The following ARFGEF3 variants were observed in gnomAD, a reference collection of about 807,000 sequenced individuals.
ARFGEF3 encodes the protein ARFGEF family member 3, also known as brefeldin A-inhibited guanine nucleotide-exchange protein 3.
In ARFGEF3, 96 loss-of-function variants were observed where a neutral mutation model predicts 221.7. The observed-to-expected ratio is 0.43, with a 90% CI of 0.37 to 0.51. The LOEUF (loss-of-function observed/expected upper bound fraction) is 0.51, where lower values mean the gene tolerates loss of function less well. ARFGEF3 is among the 20% of genes least tolerant of loss of function. ARFGEF3 has a pLI of 0.00. For missense variants in ARFGEF3, 2,410 were observed against 2,789.9 expected, an observed-to-expected ratio of 0.86 and a Z score of 3.07; for synonymous variants, 1,145 against 1,126.8, an observed-to-expected ratio of 1.02 and a Z score of -0.32.
At chr6:138,201,183 G>T (rs1170564930) in intron 2 of ARFGEF3, among the ~76,000 whole-genome samples, 1 of 152,146 alleles carries the variant, frequency 6.6e-6, no homozygotes, top group Non-Finnish European at 1.5e-5. Context: ...TGTTTTTTGT[G>T]GATGTGGTTA....
intron 8 of ARFGEF3, among the ~76,000 whole-genome samples, chr6:138,251,900 T>A (rs1011697860): frequency 6.6e-6 from 1 of 152,118 alleles, no homozygotes; most frequent in Non-Finnish European, 1.5e-5. Flanking sequence ...GTCTGTCCAG[T>A]CCCGTAAGAG....
At chr6:138,165,186 CT>C (rs1359200371) in intron 1 of ARFGEF3, among the ~76,000 whole-genome samples, 2 of 150,788 alleles carry the variant, frequency 1.3e-5, no homozygotes, top group East Asian at 4.0e-4. Flanking sequence ...GGGCATCCCC[CT>C]CTGAGACCAT....
chr6:138,281,520 G>A (rs1470467515), intron 14 of ARFGEF3, among the ~76,000 whole-genome samples: 9 of 152,172 alleles, frequency 5.9e-5, no homozygotes, highest in African/African-American at 1.9e-4. Context: ...GGACGTCCAT[G>A]AGTACCCAGT....
chr6:138,268,840 A>G (rs1444444769), intron 12 of ARFGEF3, among the ~76,000 whole-genome samples: 2 of 152,230 alleles, frequency 1.3e-5, no homozygotes, highest in African/African-American at 4.8e-5. Context: ...GCAATATTTT[A>G]TAAAGTACCA....
At chr6:138,204,076 C>T (rs1192289674) in intron 2 of ARFGEF3, among the ~76,000 whole-genome samples, 3 of 152,038 alleles carry the variant, frequency 2.0e-5, no homozygotes, top group South Asian at 2.1e-4. Flanking sequence ...CGGTGGCTCA[C>T]GCCTATAATC....
At chr6:138,166,012 A>G (rs920808900) in intron 1 of ARFGEF3, among the ~76,000 whole-genome samples, 12 of 152,244 alleles carry the variant, frequency 7.9e-5, no homozygotes, top group Non-Finnish European at 1.6e-4. Flanking sequence ...ACTGAAATCC[A>G]GAGCTGGGGA....
intron 1 of ARFGEF3, among the ~76,000 whole-genome samples, chr6:138,163,096 CTG>C (rs760118515): frequency 2.0e-5 from 3 of 151,088 alleles, no homozygotes; most frequent in Non-Finnish European, 4.4e-5. Flanking sequence ...TGTCATGACA[CTG>C]TGTGTGCTTT....
At chr6:138,268,381 C>T (rs189601158) in intron 12 of ARFGEF3, among the ~76,000 whole-genome samples, 2 of 152,290 alleles carry the variant, frequency 1.3e-5, no homozygotes, top group Admixed American at 1.3e-4. Context: ...TCCATCAAGC[C>T]TTCATCCCTA....
At chr6:138,262,187 CTT>C (rs11393341) in intron 11 of ARFGEF3, among the ~76,000 whole-genome samples, 10 of 127,890 alleles carry the variant, frequency 7.8e-5, no homozygotes, top group Non-Finnish European at 8.1e-5. Context: ...ATGCAGACCA[CTT>C]TTTTTTTTTT....
chr6:138,278,685 T>C, intron 13 of ARFGEF3, 68 bp downstream of exon 13: 1 of 1,544,216 alleles, frequency 6.5e-7, no homozygotes, highest in Non-Finnish European at 8.8e-7. Context: ...CAGCCTAGCC[T>C]CAGTGCCCTG....
chr6:138,189,661 C>A (rs912275727), intron 2 of ARFGEF3, among the ~76,000 whole-genome samples: 2 of 152,144 alleles, frequency 1.3e-5, no homozygotes, highest in African/African-American at 4.8e-5. Context: ...CAAATTGATG[C>A]GCCATGGCAG....
chr6:138,287,669 A>G (rs896972561), intron 17 of ARFGEF3, among the ~76,000 whole-genome samples: 1 of 152,252 alleles, frequency 6.6e-6, no homozygotes, highest in Non-Finnish European at 1.5e-5. Context: ...CTGATTTTTA[A>G]CTTGATGAAA....
intron 2 of ARFGEF3, among the ~76,000 whole-genome samples, chr6:138,174,284 A>G (rs909907495): frequency 2.3e-4 from 35 of 152,086 alleles, no homozygotes; most frequent in African/African-American, 8.2e-4. Context: ...CTGATTTACT[A>G]TTCCATGTTA....
chr6:138,279,095 A>C (rs1779151257), intron 13 of ARFGEF3, among the ~76,000 whole-genome samples: 1 of 152,116 alleles, frequency 6.6e-6, no homozygotes, highest in Non-Finnish European at 1.5e-5. Context: ...GGCTCACTGC[A>C]ACCTCAAACT....
chr6:138,274,999 C>T (rs1443453523), intron 12 of ARFGEF3, among the ~76,000 whole-genome samples: 1 of 151,214 alleles, frequency 6.6e-6, no homozygotes, highest in Non-Finnish European at 1.5e-5. Context: ...CCCAGCTACT[C>T]GGGAGGCTGA....
At chr6:138,243,098 G>A (rs1183785951) in intron 7 of ARFGEF3, 104 bp downstream of exon 7, 3 of 901,202 alleles carry the variant, frequency 3.3e-6, no homozygotes, top group Non-Finnish European at 5.4e-6. Context: ...GCTCTCGGTT[G>A]TTTTACCATT....
chr6:138,171,887 A>G (rs1776843114), intron 2 of ARFGEF3, among the ~76,000 whole-genome samples: 1 of 152,058 alleles, frequency 6.6e-6, no homozygotes, highest in Admixed American at 6.6e-5. Context: ...CAGTTTTCCT[A>G]TTGTTTAATA....
intron 26 of ARFGEF3, among the ~76,000 whole-genome samples, chr6:138,316,095 G>A (rs192059824): frequency 7.0e-4 from 107 of 152,164 alleles, no homozygotes; most frequent in Admixed American, 1.6e-3. Flanking sequence ...TAAACGGTTG[G>A]GTATGTAACG....
intron 4 of ARFGEF3, among the ~76,000 whole-genome samples, chr6:138,219,984 T>A (rs1009048883): frequency 2.6e-5 from 4 of 152,110 alleles, no homozygotes; most frequent in East Asian, 3.8e-4. Context: ...TGTATAGGAT[T>A]TTTTTTCTTT....
Sources: allele counts gnomAD v4.1 joint callset (sites outside exome capture counted in the v4.1 genomes callset), GRCh38; gene constraint gnomAD v4.1.1; transcripts MANE v1.5; gene names NCBI Gene and HGNC (gene_info 2026-07-23, HGNC 2026-07-21).